Variants in AKR1D1 observed in about 807,000 individuals in gnomAD.
AKR1D1 encodes the protein aldo-keto reductase family 1 member D1.
Under a neutral mutation model 42.6 loss-of-function variants are expected in AKR1D1, and 32 were observed. The observed-to-expected ratio is 0.75, with a 90% CI of 0.57 to 1.01. The LOEUF is 1.01. Ranked by LOEUF, AKR1D1 falls within the 50% of genes least tolerant of loss-of-function variation. The pLI, the probability that AKR1D1 is intolerant of heterozygous loss-of-function variation, is 0.00. For synonymous variants in AKR1D1, 123 were observed against 135.5 expected (o/e 0.91, Z 0.64); for missense variants, 364 against 402.2 (o/e 0.91, Z 0.81).
At chr7:138,107,347 G>A in intron 6 of AKR1D1, 68 bp from the exon 7 acceptor site, 2 of 1,527,450 alleles carry the variant, frequency 1.3e-6, no homozygotes, top group Non-Finnish European at 9.1e-7. Flanking sequence ...CAGAGGAGGA[G>A]GATGGTTTAT....
chr7:138,088,737 T>C lies in AKR1D1; in HGVS notation c.230T>C (p.Val77Ala). The change falls in exon 2 of 9, where the codon GTG becomes GCG. Residue 77 changes from valine (V) to alanine (A), a missense_variant. Val to Ala is a moderately conservative substitution (Grantham distance 64, BLOSUM62 0). Coordinates refer to ENST00000242375, the MANE Select transcript of AKR1D1 (RefSeq NM_005989.4). ...AGGGAGAAGATAGCAGAAGGAAAGG[T>C]GCGGAGGGAAGATATCTTCTACTGT... is the stretch of plus-strand genomic sequence containing the variant. Reference protein sequence around the residue: ...AIREKIAEGKVRREDIFYCGK... With the variant: ...AIREKIAEGKARREDIFYCGK... 1.9e-6 allele frequency: 3 copies of C among 1,609,286 alleles called. No individual in the cohort carries two copies. The highest frequency in any genetic ancestry group is 2.5e-6 in the Non-Finnish European group (3 of 1,177,704).
In AKR1D1 at chr7:138,118,150, T is replaced by C. The variant is rs1342741225; in HGVS notation, c.*1488T>C. On this transcript the variant is annotated 3_prime_UTR_variant, in exon 9 of 9. Coordinates refer to ENST00000242375, the MANE Select transcript of AKR1D1 (RefSeq NM_005989.4). The stretch of plus-strand genomic sequence containing the variant: ...TCAGTTGCTTATAGATAATGTTCAA[T>C]GACCTCAAGACATATATTTTTGAGA... Among the ~76,000 whole-genome samples, 2 of 152,270 alleles carry C rather than the reference T, an allele frequency of 1.3e-5. No individual in the cohort carries two copies. The highest frequency in any genetic ancestry group is 4.8e-5 in the African/African-American group (2 of 41,472).
rs544533627 is a variant in AKR1D1, at chr7:138,078,205, G to A, written c.93+1594G>A. Among the ~76,000 whole-genome samples, 19 of 152,180 alleles carry A rather than the reference G, an allele frequency of 1.2e-4. No homozygotes were observed. The South Asian group carries it at 2.5e-3, about 20-fold the overall frequency. Reference sequence around the variant, plus strand: ...TTGAACTCCTGGGTTCAAGCGATCCGCCCGCCTCAGCCTCCCAAAGTGCTG... The same window carrying A: ...TTGAACTCCTGGGTTCAAGCGATCCACCCGCCTCAGCCTCCCAAAGTGCTG... On this transcript the variant is annotated intron_variant, in intron 1 of 8. Transcript: ENST00000242375.
intron 1 of AKR1D1, 73 bp downstream of exon 1, chr7:138,076,684 T>G: frequency 2.3e-6 from 3 of 1,279,710 alleles, no homozygotes; most frequent in Non-Finnish European, 3.4e-6. Flanking sequence ...AATCTGCAAT[T>G]TATTTTAAGC....
intron 3 of AKR1D1, 50 bp from the exon 4 acceptor site, chr7:138,097,816 C>T (rs1460412980): frequency 7.3e-7 from 1 of 1,360,964 alleles, no homozygotes; most frequent in South Asian, 1.2e-5. Flanking sequence ...TATTTAATTC[C>T]CAGATATAAA....
intron 1 of AKR1D1, among the ~76,000 whole-genome samples, chr7:138,080,574 TAC>T (rs1803033303): frequency 6.6e-6 from 1 of 152,208 alleles, no homozygotes. Context: ...AATATGCATA[TAC>T]AAAAAAGTCT....
At chr7:138,094,931 A>G (rs1379017900) in intron 3 of AKR1D1, among the ~76,000 whole-genome samples, 1 of 152,250 alleles carries the variant, frequency 6.6e-6, no homozygotes, top group Non-Finnish European at 1.5e-5. Flanking sequence ...TTAGCCAACA[A>G]AATATTAAAA....
chr7:138,107,245 G>T, intron 6 of AKR1D1, 170 bp from the exon 7 acceptor site: 1 of 792,534 alleles, frequency 1.3e-6, no homozygotes. Flanking sequence ...CATACTACGA[G>T]TAACTCTCCA....
chr7:138,114,792 A>C (rs753247134), intron 8 of AKR1D1, among the ~76,000 whole-genome samples: 14 of 151,878 alleles, frequency 9.2e-5, no homozygotes, highest in Admixed American at 2.0e-4. Flanking sequence ...TAATGTTTCC[A>C]GTTCTTCAAA....
chr7:138,084,351 C>T (rs923964579), intron 1 of AKR1D1, among the ~76,000 whole-genome samples: 8 of 148,246 alleles, frequency 5.4e-5, no homozygotes, highest in Middle Eastern at 3.3e-3. Context: ...CAAATTCTGC[C>T]TCCCAGGCTC....
At chr7:138,087,436 G>T (rs146276131) in intron 1 of AKR1D1, among the ~76,000 whole-genome samples, 1 of 152,250 alleles carries the variant, frequency 6.6e-6, no homozygotes, top group Middle Eastern at 3.4e-3. Context: ...TATGTTTAAC[G>T]TGAGTTAATA....
chr7:138,089,192 A>C (rs28609414), intron 2 of AKR1D1, among the ~76,000 whole-genome samples: 2 of 151,676 alleles, frequency 1.3e-5, no homozygotes, highest in African/African-American at 4.9e-5. Flanking sequence ...TACAAAAAAA[A>C]ATACAAAAAT....
At chr7:138,088,367 C>T (rs545107219) in intron 1 of AKR1D1, among the ~76,000 whole-genome samples, 2 of 152,194 alleles carry the variant, frequency 1.3e-5, no homozygotes, top group South Asian at 2.1e-4. Context: ...ATTTTTGATG[C>T]CACGAAGCTG....
Position 138,097,846 on chromosome 7 carries a change from T to C in AKR1D1, c.379-20T>C. The stretch of plus-strand genomic sequence containing the variant: ...TATAAATAAAATGAATTACATTTAT[T>C]CTTTTTTTTTTTTTTTCAGCCAGGA... On this transcript the variant is annotated intron_variant, in intron 3 of 8. Transcript: ENST00000242375. 1.4e-6 allele frequency: 2 copies of C among 1,389,344 alleles called. No homozygotes were observed. Among genetic ancestry groups the C allele is most frequent in the Non-Finnish European group, 9.6e-7 (1 of 1,036,288 alleles). The allele number at this position is 1,389,344 out of a possible 1,614,324, so 86.1% of individuals were successfully genotyped here.
At chr7:138,110,209 T>G (rs914822825) in intron 7 of AKR1D1, among the ~76,000 whole-genome samples, 4 of 151,934 alleles carry the variant, frequency 2.6e-5, no homozygotes, top group Admixed American at 6.6e-5. Context: ...AGAAATATTT[T>G]AAAAGAATGG....
At chr7:138,088,072 G>T (rs899814950) in intron 1 of AKR1D1, among the ~76,000 whole-genome samples, 2 of 151,746 alleles carry the variant, frequency 1.3e-5, no homozygotes, top group African/African-American at 4.8e-5. Flanking sequence ...TTTACTTTTT[G>T]TACAGATGGG....
chr7:138,112,835 T>A (rs1202844304), intron 7 of AKR1D1, among the ~76,000 whole-genome samples: 1 of 151,162 alleles, frequency 6.6e-6, no homozygotes, highest in Non-Finnish European at 1.5e-5. Context: ...AGTGAAAAAA[T>A]ATATATAAAT....
intron 1 of AKR1D1, among the ~76,000 whole-genome samples, chr7:138,084,665 T>A (rs894138106): frequency 1.3e-5 from 2 of 152,222 alleles, no homozygotes; most frequent in Non-Finnish European, 2.9e-5. Flanking sequence ...ATATCATTTA[T>A]GTGGTATCCT....
Position 138,076,479 on chromosome 7 carries a change from T to C in AKR1D1, c.-40T>C, listed in dbSNP as rs1802939562. 3 of 1,544,762 alleles carry C rather than the reference T, an allele frequency of 1.9e-6. No individual in the cohort carries two copies. The African/African-American group carries it at 4.1e-5, about 21-fold the overall frequency. On this transcript the variant is annotated 5_prime_UTR_variant, in exon 1 of 9. Transcript: ENST00000242375. Reference sequence around the variant, plus strand: ...AGGACACCTTTCTAAAAAGACTCCCTGTGGTGTTCAGAATCACTCCTACAG... The same window carrying C: ...AGGACACCTTTCTAAAAAGACTCCCCGTGGTGTTCAGAATCACTCCTACAG...
Sources: allele counts gnomAD v4.1 joint callset (sites outside exome capture counted in the v4.1 genomes callset), GRCh38; gene constraint gnomAD v4.1.1; transcripts MANE v1.5; gene names NCBI Gene and HGNC (gene_info 2026-07-23, HGNC 2026-07-21).